NAV2: variants seen among roughly 807,000 people sequenced by gnomAD.
The protein encoded by NAV2 is neuron navigator 2, also known as helicase, APC down-regulated 1.
In NAV2, 54 loss-of-function variants were observed where a neutral mutation model predicts 223.2. The ratio of observed to expected loss-of-function variants is 0.24; its 90% CI spans 0.19 to 0.30. The LOEUF is 0.30. Among genes scored for constraint, NAV2 ranks in the 10% least tolerant of loss-of-function variants. The probability of loss-of-function intolerance (pLI) is 1.00; values close to 1 mark genes in which losing one functional copy is unlikely to be tolerated. For missense variants in NAV2, 2,806 were observed against 3,147.5 expected, an observed-to-expected ratio of 0.89 and a Z score of 2.60; for synonymous variants, 1,279 against 1,239.3, an observed-to-expected ratio of 1.03 and a Z score of -0.67.
At chr11:19,514,834 G>A (rs1365588106) in intron 1 of NAV2, among the ~76,000 whole-genome samples, 3 of 152,176 alleles carry the variant, frequency 2.0e-5, no homozygotes, top group Admixed American at 2.0e-4. Flanking sequence ...TGCAGCCCAG[G>A]CAGGCCCAGG....
At chr11:20,115,732 A>G (rs1307692735) in intron 37 of NAV2, among the ~76,000 whole-genome samples, 2 of 151,658 alleles carry the variant, frequency 1.3e-5, no homozygotes, top group Non-Finnish European at 2.9e-5. Context: ...GGGCAACGTA[A>G]CAAAACCTCT....
intron 1 of NAV2, among the ~76,000 whole-genome samples, chr11:19,649,721 A>G (rs1383687299): frequency 6.6e-6 from 1 of 152,230 alleles, no homozygotes; most frequent in Non-Finnish European, 1.5e-5. Context: ...TATAATATTC[A>G]GTCTATCATA....
chr11:19,720,920 T>C (rs1283166769), intron 1 of NAV2, among the ~76,000 whole-genome samples: 1 of 152,218 alleles, frequency 6.6e-6, no homozygotes, highest in East Asian at 1.9e-4. Context: ...ATGGAGAAGA[T>C]AGTACCTGCT....
At chr11:19,765,395 C>CCTTCCTTCCT (rs1565278029) in intron 1 of NAV2, among the ~76,000 whole-genome samples, 6 of 72,598 alleles carry the variant, frequency 8.3e-5, no homozygotes, top group African/African-American at 3.7e-4. Context: ...CCTTCCTTCC[C>CCTTCCTTCCT]TCCCTCCCTC....
chr11:19,920,240 G>A (rs914909875), intron 6 of NAV2, among the ~76,000 whole-genome samples: 1 of 152,178 alleles, frequency 6.6e-6, no homozygotes, highest in African/African-American at 2.4e-5. Context: ...TAAATCCACT[G>A]TATAAGATAC....
rs765632685 is a variant in NAV2 at position 19,935,851 on chromosome 11, G to GTTTTTTTTTTTTTTTTTTTTTTT, written c.2033+1576_2033+1598dup. Among the ~76,000 whole-genome samples, 25 of 52,704 alleles carry GTTTTTTTTTTTTTTTTTTTTTTT rather than the reference G, an allele frequency of 4.7e-4. 2 individuals are homozygous for GTTTTTTTTTTTTTTTTTTTTTTT. The highest frequency in any genetic ancestry group is 7.5e-4 in the Non-Finnish European group (22 of 29,446). 34.6% of individuals were successfully genotyped at this position (52,704 alleles called of 152,430 possible). ...ACGGCTTTTGTTTTGTTTTGTTTCT[G>GTTTTTTTTTTTTTTTTTTTTTTT]TTTTTTTTTTTTTTTTTTTTTTTTG... On this transcript the variant is annotated intron_variant, in intron 7 of 37. Transcript: ENST00000349880.
intron 1 of NAV2, among the ~76,000 whole-genome samples, chr11:19,828,632 G>A (rs2059777006): frequency 1.3e-5 from 2 of 152,168 alleles, no homozygotes; most frequent in African/African-American, 4.8e-5. Context: ...GTGACTATGG[G>A]CACGTGCCAT....
rs191661366 is a variant in NAV2 at position 19,638,957 on chromosome 11, C to T, written c.76-193527C>T. ...GCGGTGAGCTGAGATCGTGCCACTG[C>T]ACTCCAGCTTGGGTGACAGAGCAAG... On this transcript the variant is annotated intron_variant, in intron 1 of 37. Transcript: ENST00000360655. Among the ~76,000 whole-genome samples, 675 of 152,296 alleles carry T rather than the reference C, an allele frequency of 4.4e-3. 6 individuals carry two copies. The highest frequency in any genetic ancestry group is 6.0e-3 in the Non-Finnish European group (406 of 68,028).
intron 9 of NAV2, among the ~76,000 whole-genome samples, chr11:19,948,326 C>T (rs1424706815): frequency 6.6e-6 from 1 of 152,110 alleles, no homozygotes; most frequent in Non-Finnish European, 1.5e-5. Context: ...CTTCATGATC[C>T]GCCCTCCTCA....
At chr11:20,060,497 G>T (rs2153621401) in intron 19 of NAV2, among the ~76,000 whole-genome samples, 1 of 152,374 alleles carries the variant, frequency 6.6e-6, no homozygotes, top group Non-Finnish European at 1.5e-5. Context: ...CATGGATGAA[G>T]AAAGCACGGA....
At position 20,069,014 on chromosome 11, in the gene NAV2, A is replaced by G. The variant is rs979083757; in HGVS notation, c.4983+616A>G. On this transcript the variant is annotated intron_variant, in intron 22 of 37. Coordinates refer to ENST00000349880, the MANE Select transcript of NAV2 (RefSeq NM_145117.5). Reference sequence around the variant, plus strand: ...TTGCTATAACATGATAACTGTTAAGATAAAGGGAGGAGGTGGCAGTGGGAA... The same window carrying G: ...TTGCTATAACATGATAACTGTTAAGGTAAAGGGAGGAGGTGGCAGTGGGAA... Among the ~76,000 whole-genome samples the G allele has an allele frequency of 2.0e-5, 3 of 152,234 alleles. No homozygotes were observed. The South Asian group carries it at 6.2e-4, about 32-fold the overall frequency.
intron 1 of NAV2, among the ~76,000 whole-genome samples, chr11:19,601,376 G>A (rs545407081): frequency 5.3e-5 from 8 of 152,112 alleles, no homozygotes; most frequent in East Asian, 1.9e-4. Flanking sequence ...CCTTGCCTCC[G>A]CAGTGGCCCT....
chr11:19,704,986 G>C (rs1337852501), intron 1 of NAV2, among the ~76,000 whole-genome samples: 2 of 148,888 alleles, frequency 1.3e-5, no homozygotes, highest in Non-Finnish European at 3.0e-5. Context: ...ACTCCAGCCT[G>C]GGCGACAGAG....
chr11:19,346,135 A>C (rs1350456622), upstream of NAV2, among the ~76,000 whole-genome samples: 3 of 151,986 alleles, frequency 2.0e-5, no homozygotes, highest in Non-Finnish European at 4.4e-5. Flanking sequence ...ATGTAGGTCC[A>C]GTACCTGTCT....
At chr11:19,355,087 A>G (rs1564871700) in intron 1 of NAV2, among the ~76,000 whole-genome samples, 1 of 152,212 alleles carries the variant, frequency 6.6e-6, no homozygotes, top group Non-Finnish European at 1.5e-5. Flanking sequence ...AACCTACTTA[A>G]CTAGCATAGA....
At chr11:19,556,012 C>A (rs1261823933) in intron 1 of NAV2, among the ~76,000 whole-genome samples, 1 of 152,158 alleles carries the variant, frequency 6.6e-6, no homozygotes, top group Non-Finnish European at 1.5e-5. Flanking sequence ...TCCTCAGCCT[C>A]CCTTCCCTCC....
At chr11:19,914,291 G>A (rs1391312647) in intron 6 of NAV2, among the ~76,000 whole-genome samples, 1 of 152,158 alleles carries the variant, frequency 6.6e-6, no homozygotes, top group Non-Finnish European at 1.5e-5. Context: ...TGGGAGAAAG[G>A]TGGTGTCACA....
intron 1 of NAV2, among the ~76,000 whole-genome samples, chr11:19,572,941 G>A (rs1160676796): frequency 2.0e-5 from 3 of 152,096 alleles, no homozygotes; most frequent in Admixed American, 1.3e-4. Flanking sequence ...ACAACAAACC[G>A]CAGAACCAAC....
rs144399190 is a variant in NAV2, at chr11:19,499,977, T to TAC, written c.75+148962_75+148963dup. 5.3e-5 allele frequency among the ~76,000 whole-genome samples: 8 copies of TAC among 151,690 alleles called. No homozygotes were observed. The East Asian group carries it at 5.8e-4, about 11-fold the overall frequency. ...CAGTGGCCCTGATTCTATATATATA[T>TAC]ACACACACACACAACCACACACACA... On this transcript the variant is annotated intron_variant, in intron 1 of 37. Coordinates refer to the NAV2 transcript ENST00000360655.
Sources: allele counts gnomAD v4.1 joint callset (sites outside exome capture counted in the v4.1 genomes callset), GRCh38; gene constraint gnomAD v4.1.1; transcripts MANE v1.5; gene names NCBI Gene and HGNC (gene_info 2026-07-23, HGNC 2026-07-21).